The following PHACTR4 variants were observed in gnomAD, a reference collection of about 807,000 sequenced individuals.
PHACTR4 encodes the protein protein phosphatase 1, regulatory subunit 124.
PHACTR4 carries 51 observed loss-of-function variants against 72.7 expected under a neutral mutation model. The observed-to-expected ratio is 0.70, with a 90% CI of 0.56 to 0.89. PHACTR4 has a LOEUF of 0.89. Ranked by LOEUF, PHACTR4 falls within the 40% of genes least tolerant of loss-of-function variation. PHACTR4 has a pLI of 0.00. For synonymous variants in PHACTR4, 255 were observed against 302.5 expected (o/e 0.84, Z 1.63); for missense variants, 731 against 861.8 (o/e 0.85, Z 1.90).
At chr1:28,458,423 C>T (rs1658563798) in intron 2 of PHACTR4, among the ~76,000 whole-genome samples, 1 of 152,112 alleles carries the variant, frequency 6.6e-6, no homozygotes, top group Admixed American at 6.6e-5. Flanking sequence ...GCTGGGATTA[C>T]AGAAATGAGC....
chr1:28,493,092 G>GT lies in PHACTR4; in HGVS notation c.2093+2dup. 1 of 1,610,258 alleles carries GT rather than the reference G, an allele frequency of 6.2e-7. No individual in the cohort carries two copies. The highest frequency in any genetic ancestry group is 8.5e-7 in the Non-Finnish European group (1 of 1,176,568). On this transcript the variant is annotated splice_donor_variant, in intron 13 of 13. Transcript: ENST00000373839. LOFTEE classifies it high-confidence loss of function. ...ATGAAGAGAGCAAACATTTTACACG[G>GT]TAAGACCCAAAAGACCCAATCATAT...
chr1:28,443,556 T>TC (rs1395130441), intron 2 of PHACTR4, among the ~76,000 whole-genome samples: 10 of 151,520 alleles, frequency 6.6e-5, no homozygotes, highest in African/African-American at 2.2e-4. Flanking sequence ...CAAGCGATCC[T>TC]CCCCCCTCAG....
chr1:28,475,587 T>G (rs1163764322), intron 7 of PHACTR4, among the ~76,000 whole-genome samples: 6 of 152,168 alleles, frequency 3.9e-5, no homozygotes, highest in East Asian at 1.9e-4. Flanking sequence ...GCCTAATAAG[T>G]GGTAAAGCTG....
intron 7 of PHACTR4, among the ~76,000 whole-genome samples, chr1:28,474,667 C>T (rs1015458065): frequency 5.3e-5 from 8 of 151,770 alleles, no homozygotes; most frequent in African/African-American, 1.9e-4. Flanking sequence ...CTCAGCCTCC[C>T]GAGTAGCTGA....
chr1:28,472,853 G>A (rs1273985028), intron 6 of PHACTR4, among the ~76,000 whole-genome samples: 1 of 129,176 alleles, frequency 7.7e-6, no homozygotes, highest in African/African-American at 2.9e-5. Context: ...CCTGACCTAA[G>A]TAATCTGCCC....
chr1:28,375,901 C>T (rs1352475714), intron 1 of PHACTR4, among the ~76,000 whole-genome samples: 1 of 152,072 alleles, frequency 6.6e-6, no homozygotes, highest in Non-Finnish European at 1.5e-5. Context: ...GAAACCCCGT[C>T]TCTACTAAAA....
intron 6 of PHACTR4, among the ~76,000 whole-genome samples, chr1:28,471,950 G>A (rs1466906595): frequency 2.6e-5 from 4 of 152,106 alleles, no homozygotes; most frequent in East Asian, 3.9e-4. Flanking sequence ...GGTGGCTCAC[G>A]ACTGTAATCC....
chr1:28,405,602 C>T (rs985859000), intron 1 of PHACTR4, among the ~76,000 whole-genome samples: 5 of 151,774 alleles, frequency 3.3e-5, no homozygotes, highest in Non-Finnish European at 5.9e-5. Flanking sequence ...GCTGGGATTA[C>T]AGGTGTGAAC....
At chr1:28,477,132 CTG>C (rs1659978209) in intron 8 of PHACTR4, among the ~76,000 whole-genome samples, 1 of 147,466 alleles carries the variant, frequency 6.8e-6, no homozygotes, top group African/African-American at 2.5e-5. Context: ...GTCATCCAGA[CTG>C]GAGTGCAGGG....
At chr1:28,484,673 A>G (rs1660517616) in intron 9 of PHACTR4, among the ~76,000 whole-genome samples, 1 of 151,666 alleles carries the variant, frequency 6.6e-6, no homozygotes, top group Non-Finnish European at 1.5e-5. Context: ...ACCTTTAAAA[A>G]TATAAAAACA....
intron 2 of PHACTR4, among the ~76,000 whole-genome samples, chr1:28,420,439 G>T (rs767333855): frequency 2.9e-4 from 44 of 152,100 alleles, no homozygotes; most frequent in Admixed American, 2.1e-3. Context: ...AAGACACCTT[G>T]CTTCTCCTTC....
chr1:28,485,883 A>G (rs917690973), intron 9 of PHACTR4, among the ~76,000 whole-genome samples: 1 of 151,310 alleles, frequency 6.6e-6, no homozygotes, highest in Non-Finnish European at 1.5e-5. Context: ...TGGGCAACAG[A>G]GTGAGACTCT....
chr1:28,444,503 C>T (rs1333332585), intron 2 of PHACTR4, among the ~76,000 whole-genome samples: 1 of 151,852 alleles, frequency 6.6e-6, no homozygotes, highest in Admixed American at 6.6e-5. Flanking sequence ...ACTGGGACTA[C>T]AGGCATAAGC....
intron 2 of PHACTR4, among the ~76,000 whole-genome samples, chr1:28,458,805 G>A (rs1298356488): frequency 1.3e-5 from 2 of 152,102 alleles, no homozygotes; most frequent in African/African-American, 2.4e-5. Context: ...GTATACATGC[G>A]CCTTTAAAAG....
At chr1:28,441,598 A>G (rs1379794029) in intron 2 of PHACTR4, among the ~76,000 whole-genome samples, 3 of 152,222 alleles carry the variant, frequency 2.0e-5, no homozygotes, top group Admixed American at 1.3e-4. Flanking sequence ...TTAGGAATCT[A>G]TGCTGTGGTA....
intron 6 of PHACTR4, 81 bp downstream of exon 6, chr1:28,466,849 T>C: frequency 1.3e-6 from 2 of 1,503,716 alleles, no homozygotes; most frequent in South Asian, 2.6e-5. Flanking sequence ...TGGTACAACA[T>C]TGATTTGGTC....
intron 2 of PHACTR4, among the ~76,000 whole-genome samples, chr1:28,412,546 A>T (rs1210135972): frequency 6.6e-6 from 1 of 152,168 alleles, no homozygotes; most frequent in African/African-American, 2.4e-5. Context: ...GTAACTGTGT[A>T]GTTGTGAAGA....
chr1:28,420,253 C>T (rs1655425984), intron 2 of PHACTR4, among the ~76,000 whole-genome samples: 2 of 152,068 alleles, frequency 1.3e-5, no homozygotes, highest in Non-Finnish European at 2.9e-5. Flanking sequence ...ATTGTAAACC[C>T]CATAATGCCT....
chr1:28,379,214 C>T (rs1039291105), intron 1 of PHACTR4, among the ~76,000 whole-genome samples: 1 of 151,896 alleles, frequency 6.6e-6, no homozygotes, highest in Non-Finnish European at 1.5e-5. Context: ...CTGGGCCTCC[C>T]AAAGTGCTTG....
Sources: gnomAD v4.1 joint callset for allele counts (sites outside exome capture counted in the v4.1 genomes callset) on GRCh38, gnomAD v4.1.1 for gene constraint, MANE v1.5 for transcripts, NCBI Gene and HGNC (gene_info 2026-07-23, HGNC 2026-07-21) for gene names.